ASCC1: variants seen among roughly 807,000 people sequenced by gnomAD.
The protein encoded by ASCC1 is activating signal cointegrator 1 complex subunit 1.
A neutral mutation model predicts 46.6 loss-of-function variants in ASCC1; 35 were observed. The ratio of observed to expected loss-of-function variants is 0.75; its 90% CI spans 0.57 to 0.99. The LOEUF (loss-of-function observed/expected upper bound fraction) is 0.99, where lower values mean the gene tolerates loss of function less well. Among genes scored for constraint, ASCC1 ranks in the 50% least tolerant of loss-of-function variants. ASCC1 has a pLI of 0.00. For missense variants in ASCC1, 376 were observed against 428.7 expected (o/e 0.88, Z 1.09); for synonymous variants, 143 against 146.6 (o/e 0.98, Z 0.18).
intron 5 of ASCC1, among the ~76,000 whole-genome samples, chr10:72,178,013 T>C (rs569835375): frequency 1.3e-5 from 2 of 152,244 alleles, no homozygotes; most frequent in African/African-American, 2.4e-5. Flanking sequence ...GGGAATGCTA[T>C]CCTAAAAGGT....
At chr10:72,191,329 T>A (rs943491674) in intron 5 of ASCC1, among the ~76,000 whole-genome samples, 1 of 151,284 alleles carries the variant, frequency 6.6e-6, no homozygotes, top group Non-Finnish European at 1.5e-5. Context: ...CCTCCCAAAG[T>A]GCTGGGATTA....
At chr10:72,214,757 A>T (rs905948977) in intron 1 of ASCC1, among the ~76,000 whole-genome samples, 4 of 152,076 alleles carry the variant, frequency 2.6e-5, no homozygotes, top group Non-Finnish European at 5.9e-5. Flanking sequence ...AAAAGCCCCT[A>T]AGTACTTTTA....
intron 5 of ASCC1, among the ~76,000 whole-genome samples, chr10:72,184,467 AATAGAT>A (rs1355526045): frequency 6.6e-6 from 1 of 152,200 alleles, no homozygotes; most frequent in Non-Finnish European, 1.5e-5. Flanking sequence ...AAAGGATAGA[AATAGAT>A]ATATAGTGTA....
chr10:72,210,728 T>A lies in ASCC1; in HGVS notation c.212+4A>T. 1 of 1,613,706 alleles carries A rather than the reference T, an allele frequency of 6.2e-7. No homozygotes were observed. ...CCCATGAAACTGTTGGGGACATGAC[T>A]CACTTATAGAGCAAGCTGGGGGCCC... On this transcript the variant is annotated splice_donor_region_variant and intron_variant, in intron 3 of 9. Transcript: ENST00000672957.
chr10:72,142,904 G>A (rs529171749), intron 7 of ASCC1, among the ~76,000 whole-genome samples: 6 of 149,358 alleles, frequency 4.0e-5, no homozygotes, highest in Admixed American at 3.4e-4. Flanking sequence ...ACTTACGCCT[G>A]TAATTCCAGC....
chr10:72,137,693 C>A (rs755993439), intron 7 of ASCC1, among the ~76,000 whole-genome samples: 6 of 151,884 alleles, frequency 4.0e-5, no homozygotes, highest in Non-Finnish European at 5.9e-5. Flanking sequence ...GAAAAAAGTA[C>A]GAAAAGCATA....
At chr10:72,108,081 T>TC (rs1475643429) in intron 9 of ASCC1, among the ~76,000 whole-genome samples, 75 of 150,230 alleles carry the variant, frequency 5.0e-4, no homozygotes, top group Admixed American at 4.6e-3. Flanking sequence ...TTTTTCTTTT[T>TC]TTTTTTTTTT....
At chr10:72,117,947 T>C (rs927031740) in intron 9 of ASCC1, among the ~76,000 whole-genome samples, 4 of 152,222 alleles carry the variant, frequency 2.6e-5, no homozygotes, top group African/African-American at 9.6e-5. Context: ...TATCCTAAAT[T>C]CCATTTGCTG....
chr10:72,102,753 T>C, intron 9 of ASCC1: 1 of 351,088 alleles, frequency 2.8e-6, no homozygotes, highest in South Asian at 2.2e-5. Flanking sequence ...GGCAGGCAGA[T>C]CATCTGAGGT....
chr10:72,136,765 CT>C lies in ASCC1; in HGVS notation c.747-3585del, dbSNP rs200674366. Among the ~76,000 whole-genome samples the C allele has an allele frequency of 6.2e-3, 940 of 152,208 alleles. 28 individuals carry two copies. The highest frequency in any genetic ancestry group is 0.057 in the Admixed American group (867 of 15,282). ...GCTCTAACACAACGAGGGTCTGCGGCTTCATTCCTGAAGTCAGCAAGACCAT... is the reference window on the plus strand; with the variant it reads ...GCTCTAACACAACGAGGGTCTGCGGCTCATTCCTGAAGTCAGCAAGACCAT... On this transcript the variant is annotated intron_variant, in intron 7 of 9. Coordinates refer to ENST00000672957, the MANE Select transcript of ASCC1 (RefSeq NM_001198800.3).
At chr10:72,203,350 A>T in intron 4 of ASCC1, 77 bp downstream of exon 4, 2 of 1,048,600 alleles carry the variant, frequency 1.9e-6, no homozygotes, top group Non-Finnish European at 3.0e-6. Flanking sequence ...ATAGTTACTA[A>T]ACACTGCAGT....
intron 5 of ASCC1, among the ~76,000 whole-genome samples, chr10:72,186,169 GT>G (rs113203533): frequency 6.1e-5 from 9 of 146,658 alleles, no homozygotes; most frequent in African/African-American, 1.5e-4. Flanking sequence ...AACTGTTTTT[GT>G]TTTTTTTTTG....
chr10:72,133,211 A>C, intron 7 of ASCC1, 30 bp from the exon 8 acceptor site: 2 of 1,612,614 alleles, frequency 1.2e-6, no homozygotes, highest in Non-Finnish European at 1.7e-6. Context: ...GTAATGCAGA[A>C]ATCTTAGTAA....
intron 9 of ASCC1, among the ~76,000 whole-genome samples, chr10:72,117,543 A>G (rs970517808): frequency 1.3e-5 from 2 of 151,862 alleles, no homozygotes; most frequent in Non-Finnish European, 2.9e-5. Context: ...GATTTCCTTG[A>G]CTCTTTCTTC....
chr10:72,184,685 C>A (rs11000207), intron 5 of ASCC1, among the ~76,000 whole-genome samples: 21,710 of 151,468 alleles, frequency 0.14, 4,434 homozygotes, highest in African/African-American at 0.45. Flanking sequence ...CTCCTCTCTC[C>A]GCAACTAAAA....
chr10:72,142,110 A>G (rs1054970358), intron 7 of ASCC1, among the ~76,000 whole-genome samples: 4 of 152,208 alleles, frequency 2.6e-5, no homozygotes, highest in Non-Finnish European at 5.9e-5. Context: ...GTTGATTTAA[A>G]ATAGACATAT....
intron 4 of ASCC1, among the ~76,000 whole-genome samples, chr10:72,200,147 T>A (rs1425608239): frequency 6.6e-6 from 1 of 152,126 alleles, no homozygotes; most frequent in Non-Finnish European, 1.5e-5. Context: ...TTAAAATGGC[T>A]AGGGTCTCCA....
At chr10:72,146,111 A>G (rs1187178823) in intron 7 of ASCC1, among the ~76,000 whole-genome samples, 5 of 152,194 alleles carry the variant, frequency 3.3e-5, no homozygotes, top group Non-Finnish European at 5.9e-5. Flanking sequence ...AACCTCCTCC[A>G]TGAAGCCTTC....
chr10:72,183,131 C>T (rs1852898376), intron 5 of ASCC1, among the ~76,000 whole-genome samples: 1 of 151,668 alleles, frequency 6.6e-6, no homozygotes, highest in Admixed American at 6.6e-5. Flanking sequence ...CAACCTCCAC[C>T]TCCTAAGTTC....
Sources: allele counts gnomAD v4.1 joint callset (sites outside exome capture counted in the v4.1 genomes callset), GRCh38; gene constraint gnomAD v4.1.1; transcripts MANE v1.5; gene names NCBI Gene and HGNC (gene_info 2026-07-23, HGNC 2026-07-21).